IGF2BP3: variants seen among roughly 807,000 people sequenced by gnomAD.
IGF2BP3 encodes insulin like growth factor 2 mRNA binding protein 3, also known as insulin-like growth factor 2 mRNA-binding protein 3.
IGF2BP3 carries 9 observed loss-of-function variants against 73.8 expected under a neutral mutation model. The ratio of observed to expected loss-of-function variants is 0.12; its 90% CI spans 0.07 to 0.21. The LOEUF is 0.21. Ranked by LOEUF, IGF2BP3 falls within the 10% of genes least tolerant of loss-of-function variation. The pLI is 1.00. For synonymous variants in IGF2BP3, 258 were observed against 256.7 expected (o/e 1.01, Z -0.05); for missense variants, 542 against 714.0 (o/e 0.76, Z 2.75).
At chr7:23,396,170 G>A (rs1282301659) in intron 3 of IGF2BP3, among the ~76,000 whole-genome samples, 2 of 151,840 alleles carry the variant, frequency 1.3e-5, no homozygotes, top group Non-Finnish European at 2.9e-5. Flanking sequence ...TTGATAACAT[G>A]GGAGGACAGA....
intron 3 of IGF2BP3, among the ~76,000 whole-genome samples, chr7:23,397,171 T>A (rs914641894): frequency 2.0e-5 from 3 of 152,332 alleles, no homozygotes; most frequent in African/African-American, 7.2e-5. Flanking sequence ...AAATCAGAGC[T>A]AGAAGGAATC....
At chr7:23,424,829 A>G (rs948487456) in intron 2 of IGF2BP3, among the ~76,000 whole-genome samples, 5 of 152,224 alleles carry the variant, frequency 3.3e-5, no homozygotes, top group Non-Finnish European at 7.3e-5. Context: ...GTAATCGATG[A>G]AACTGATTTA....
intron 3 of IGF2BP3, among the ~76,000 whole-genome samples, chr7:23,386,179 A>G (rs761775409): frequency 2.0e-5 from 3 of 152,184 alleles, no homozygotes; most frequent in Admixed American, 1.3e-4. Flanking sequence ...ATGCTTAAAA[A>G]TTATCCATTT....
chr7:23,333,840 T>G (rs1429408324), intron 10 of IGF2BP3, among the ~76,000 whole-genome samples: 2 of 152,248 alleles, frequency 1.3e-5, no homozygotes, highest in Non-Finnish European at 2.9e-5. Flanking sequence ...ATCAGATGTC[T>G]GAGGCTTGGT....
intron 8 of IGF2BP3, 150 bp downstream of exon 8, chr7:23,345,790 C>G: frequency 1.2e-6 from 1 of 868,676 alleles, no homozygotes; most frequent in Non-Finnish European, 1.7e-6. Flanking sequence ...AGAAACCTAA[C>G]AGGCAGCAAG....
At chr7:23,420,480 A>AGAG (rs1787314006) in intron 2 of IGF2BP3, among the ~76,000 whole-genome samples, 4 of 152,182 alleles carry the variant, frequency 2.6e-5, no homozygotes. Context: ...CCTGTCTCAA[A>AGAG]AAGAAAAGAG....
chr7:23,399,299 C>T (rs1367572479), intron 3 of IGF2BP3, among the ~76,000 whole-genome samples: 3 of 151,444 alleles, frequency 2.0e-5, no homozygotes, highest in East Asian at 3.9e-4. Flanking sequence ...TGCTAAATGA[C>T]GAGTTAATGG....
intron 5 of IGF2BP3, among the ~76,000 whole-genome samples, chr7:23,357,708 T>C (rs1459641913): frequency 1.3e-5 from 2 of 152,260 alleles, no homozygotes; most frequent in Non-Finnish European, 2.9e-5. Flanking sequence ...GTCAAATTTT[T>C]ATTTTAATAA....
At chr7:23,395,912 C>T (rs1234250857) in intron 3 of IGF2BP3, among the ~76,000 whole-genome samples, 11 of 151,886 alleles carry the variant, frequency 7.2e-5, no homozygotes, top group South Asian at 2.1e-4. Context: ...GGCAACAGAG[C>T]GAGACTCCAT....
At chr7:23,329,437 C>G (rs1393502637) in intron 10 of IGF2BP3, among the ~76,000 whole-genome samples, 1 of 152,104 alleles carries the variant, frequency 6.6e-6, no homozygotes, top group Non-Finnish European at 1.5e-5. Flanking sequence ...AAAATTTGTG[C>G]CCTGTTTGAA....
At chr7:23,460,932 A>G (rs1303526337) in intron 2 of IGF2BP3, among the ~76,000 whole-genome samples, 1 of 152,230 alleles carries the variant, frequency 6.6e-6, no homozygotes, top group East Asian at 1.9e-4. Context: ...GCCTGTCAAC[A>G]GAGCAAGATT....
At chr7:23,338,171 G>A (rs761602742) in intron 10 of IGF2BP3, among the ~76,000 whole-genome samples, 37 of 152,078 alleles carry the variant, frequency 2.4e-4, no homozygotes, top group Non-Finnish European at 4.6e-4. Flanking sequence ...GATGGCAGGT[G>A]GTCCAGAGAG....
Position 23,441,963 on chromosome 7 carries a change from A to G in IGF2BP3, c.237-23139T>C, listed in dbSNP as rs562196129. Among the ~76,000 whole-genome samples, 5 of 152,170 alleles carry G rather than the reference A, an allele frequency of 3.3e-5. No individual in the cohort carries two copies. The East Asian group carries it at 7.8e-4, about 24-fold the overall frequency. ...AACAAGGAGAAACCCCGTCTCTACT[A>G]AAAATACAAAAAAATTAGCCGGGTG... On this transcript the variant is annotated intron_variant, in intron 2 of 14. Coordinates refer to ENST00000258729, the MANE Select transcript of IGF2BP3 (RefSeq NM_006547.3).
intron 3 of IGF2BP3, among the ~76,000 whole-genome samples, chr7:23,386,958 T>C (rs889626042): frequency 6.7e-6 from 1 of 150,210 alleles, no homozygotes; most frequent in Non-Finnish European, 1.5e-5. Flanking sequence ...TCCCAGCTAC[T>C]GGGGAGGCTG....
chr7:23,464,606 C>G (rs1275975029), intron 2 of IGF2BP3, among the ~76,000 whole-genome samples: 3 of 151,928 alleles, frequency 2.0e-5, no homozygotes, highest in Admixed American at 2.0e-4. Context: ...ATCGCTTGAA[C>G]CTGGGAGGCA....
intron 2 of IGF2BP3, chr7:23,431,322 T>C (rs1787671167): frequency 6.6e-6 from 1 of 152,204 alleles, no homozygotes; most frequent in Non-Finnish European, 1.5e-5. Context: ...AGGAAAACAA[T>C]TCTAGATTCT....
chr7:23,427,636 C>T (rs551246312), intron 2 of IGF2BP3, among the ~76,000 whole-genome samples: 4 of 152,216 alleles, frequency 2.6e-5, no homozygotes, highest in Admixed American at 6.5e-5. Context: ...CTTTGGAAGG[C>T]GGAGGTGGGT....
intron 3 of IGF2BP3, among the ~76,000 whole-genome samples, chr7:23,386,721 G>A (rs997542504): frequency 2.0e-5 from 3 of 152,260 alleles, no homozygotes; most frequent in Non-Finnish European, 4.4e-5. Flanking sequence ...AGTATTGGCA[G>A]GGAGGGGTGG....
chr7:23,382,384 C>G (rs1785940801), intron 3 of IGF2BP3, among the ~76,000 whole-genome samples: 1 of 151,926 alleles, frequency 6.6e-6, no homozygotes, highest in Non-Finnish European at 1.5e-5. Context: ...GAAATTTGAT[C>G]TTACCAGGTT....
Sources: gnomAD v4.1 joint callset for allele counts (sites outside exome capture counted in the v4.1 genomes callset) on GRCh38, gnomAD v4.1.1 for gene constraint, MANE v1.5 for transcripts, NCBI Gene and HGNC (gene_info 2026-07-23, HGNC 2026-07-21) for gene names.